The following LRIG1 variants were observed in gnomAD, a reference collection of about 807,000 sequenced individuals.
LRIG1 encodes the protein leucine-rich repeats and immunoglobulin-like domains protein 1.
In LRIG1, 48 loss-of-function variants were observed where a neutral mutation model predicts 99.2. The ratio of observed to expected loss-of-function variants is 0.48; its 90% CI spans 0.38 to 0.62. The LOEUF (loss-of-function observed/expected upper bound fraction) is 0.62. Among genes scored for constraint, LRIG1 ranks in the 20% least tolerant of loss-of-function variants. The pLI, the probability that LRIG1 is intolerant of heterozygous loss-of-function variation, is 0.00. For missense variants in LRIG1, 1,646 were observed against 1,434.4 expected (o/e 1.15, Z -2.38); for synonymous variants, 772 against 596.1 (o/e 1.29, Z -4.30).
intron 3 of LRIG1, among the ~76,000 whole-genome samples, chr3:66,440,224 C>T (rs370093027): frequency 6.6e-6 from 1 of 152,120 alleles, no homozygotes; most frequent in Non-Finnish European, 1.5e-5. Flanking sequence ...ACACTCACCC[C>T]CTCTGCTCCC....
intron 1 of LRIG1, chr3:66,498,409 G>A (rs980139632): frequency 1.3e-5 from 2 of 152,146 alleles, no homozygotes; most frequent in African/African-American, 4.8e-5. Flanking sequence ...CCATAGGAAA[G>A]TGCAAATAAG....
intron 12 of LRIG1, 86 bp downstream of exon 12, chr3:66,393,954 C>T: frequency 1.4e-6 from 2 of 1,424,790 alleles, no homozygotes; most frequent in Non-Finnish European, 1.9e-6. Context: ...TTACTCTGAT[C>T]ACAGGAATTA....
rs995881476 is a variant in LRIG1, at chr3:66,410,215, C to G, written c.849G>C (p.Thr283=). ...TGCTGAGGTGGAGCTGATGCAGGGC[C>G]GTGAGGCCGTAGAGCGAGCCGCTGT... ...EVNSGSLYGL[T]ALHQLHLSNN... The change falls in exon 7 of 19, where the codon ACG becomes ACC. Residue 283 remains threonine, a synonymous_variant. Transcript: ENST00000273261. 4.3e-6 allele frequency: 7 copies of G among 1,613,980 alleles called. No homozygotes were observed. The highest frequency in any genetic ancestry group is 1.3e-5 in the African/African-American group (1 of 74,954).
chr3:66,462,882 G>A (rs919306717), intron 1 of LRIG1, among the ~76,000 whole-genome samples: 1 of 152,064 alleles, frequency 6.6e-6, no homozygotes, highest in Non-Finnish European at 1.5e-5. Flanking sequence ...TTAAATTAAT[G>A]TTTTAGTAGC....
chr3:66,380,529 C>T (rs754550332), intron 18 of LRIG1, 40 bp from the exon 19 acceptor site: 100 of 1,613,458 alleles, frequency 6.2e-5, no homozygotes, highest in Middle Eastern at 1.6e-4. Flanking sequence ...CCCACTTGAC[C>T]GTTTAAGCAG....
intron 3 of LRIG1, among the ~76,000 whole-genome samples, chr3:66,429,789 T>G (rs780092291): frequency 6.3e-4 from 56 of 89,026 alleles, no homozygotes; most frequent in African/African-American, 1.4e-3. Context: ...ACAGGGTGGG[T>G]GTGTGTGTGT....
rs754685134 is a variant in LRIG1 at position 66,379,064 on chromosome 3, G to T, written c.*1199C>A. On this transcript the variant is annotated 3_prime_UTR_variant, in exon 19 of 19. Transcript: ENST00000273261. ...ACAGTGATGACACCTGACAGTAATT[G>T]TTAACTATTTTCTCAGTAACTCCCT... 6.6e-6 allele frequency: 1 copy of T among 152,628 alleles called. No individual in the cohort carries two copies. The highest frequency in any genetic ancestry group is 1.9e-4 in the East Asian group (1 of 5,190). The allele number at this position is 152,628 out of a possible 1,614,324, so 9.5% of individuals were successfully genotyped here.
At chr3:66,444,896 CAT>C (rs1703665287) in intron 3 of LRIG1, among the ~76,000 whole-genome samples, 2 of 151,244 alleles carry the variant, frequency 1.3e-5, no homozygotes, top group Non-Finnish European at 2.9e-5. Flanking sequence ...TACACACACA[CAT>C]ATCTGTATCT....
chr3:66,477,759 G>A (rs1024275857), intron 1 of LRIG1, among the ~76,000 whole-genome samples: 3 of 152,030 alleles, frequency 2.0e-5, no homozygotes, highest in Non-Finnish European at 2.9e-5. Context: ...GTAAAATCAC[G>A]CATAGGTGTG....
intron 3 of LRIG1, among the ~76,000 whole-genome samples, chr3:66,438,877 C>T (rs757803926): frequency 3.5e-4 from 53 of 152,214 alleles, no homozygotes; most frequent in Non-Finnish European, 6.3e-4. Context: ...CTAGAGGTGA[C>T]CCATGAGGCC....
intron 5 of LRIG1, among the ~76,000 whole-genome samples, chr3:66,414,193 C>A (rs538211489): frequency 1.3e-5 from 2 of 152,004 alleles, no homozygotes; most frequent in South Asian, 4.1e-4. Flanking sequence ...GTCAGGAGAT[C>A]GAGACCATCC....
In LRIG1 at chr3:66,380,411, C is replaced by T; in HGVS notation, c.3134G>A (p.Gly1045Asp). ...CTGGGCTTCCGCGCGCTCTGGACTG[C>T]CTGAAGTTAATGAAGATGCAGGCTG... ...ELQPASSLTS[G>D]SPERAEAQYL... Residue 1045 changes from glycine to aspartate, a missense_variant, in exon 19 of 19, where the codon GGC becomes GAC. By Grantham distance (94) the Gly-to-Asp change is moderately conservative. Transcript: ENST00000273261. The T allele has an allele frequency of 1.2e-6, 2 of 1,614,104 alleles. No homozygotes were observed. The highest frequency in any genetic ancestry group is 1.7e-6 in the Non-Finnish European group (2 of 1,180,018).
intron 3 of LRIG1, among the ~76,000 whole-genome samples, chr3:66,446,681 C>T (rs1683820462): frequency 6.6e-6 from 1 of 152,074 alleles, no homozygotes; most frequent in African/African-American, 2.4e-5. Flanking sequence ...GCTGGGATTA[C>T]AGGTGTGAGC....
At chr3:66,489,573 G>C (rs911658636) in intron 1 of LRIG1, among the ~76,000 whole-genome samples, 2 of 150,708 alleles carry the variant, frequency 1.3e-5, no homozygotes, top group South Asian at 4.1e-4. Context: ...CACAGAGAGA[G>C]AGAGAATGTT....
intron 3 of LRIG1, among the ~76,000 whole-genome samples, chr3:66,420,891 T>C (rs532622024): frequency 3.3e-4 from 51 of 152,330 alleles, no homozygotes; most frequent in Admixed American, 7.8e-4. Flanking sequence ...AGAGGTTTAA[T>C]TGGACTCACA....
chr3:66,484,323 A>G (rs1700920177), intron 1 of LRIG1, among the ~76,000 whole-genome samples: 2 of 152,224 alleles, frequency 1.3e-5, no homozygotes, highest in Admixed American at 1.3e-4. Context: ...GCTTCACACT[A>G]GATTCTGGGA....
At chr3:66,487,320 G>A (rs1575730681) in intron 1 of LRIG1, among the ~76,000 whole-genome samples, 1 of 152,084 alleles carries the variant, frequency 6.6e-6, no homozygotes, top group East Asian at 1.9e-4. Context: ...TCAGCACAAA[G>A]AAAATGGCCT....
At position 66,431,130 on chromosome 3, in the gene LRIG1, G is replaced by A. The variant is rs527567609; in HGVS notation, c.366-13864C>T. On this transcript the variant is annotated intron_variant, in intron 3 of 18. Coordinates refer to ENST00000273261, the MANE Select transcript of LRIG1 (RefSeq NM_015541.3). ...CGGCACAACCGTGGATCCCGGGTAC[G>A]GCACAGCTGAACTGAACCCCTCTGA... Among the ~76,000 whole-genome samples, 6 of 152,266 alleles carry A rather than the reference G, an allele frequency of 3.9e-5. No homozygotes were observed. The South Asian group carries it at 1.0e-3, about 26-fold the overall frequency.
intron 3 of LRIG1, among the ~76,000 whole-genome samples, chr3:66,435,917 C>T (rs1703341244): frequency 6.6e-6 from 1 of 152,172 alleles, no homozygotes; most frequent in South Asian, 2.1e-4. Context: ...AATCAGCCTT[C>T]CTGCTACTTT....
Sources: gnomAD v4.1 joint callset for allele counts (sites outside exome capture counted in the v4.1 genomes callset) on GRCh38, gnomAD v4.1.1 for gene constraint, MANE v1.5 for transcripts, NCBI Gene and HGNC (gene_info 2026-07-23, HGNC 2026-07-21) for gene names.